Variants in TAOK2 observed in about 807,000 individuals in gnomAD.
TAOK2 encodes the protein serine/threonine-protein kinase TAO2.
Under a neutral mutation model 122.5 loss-of-function variants are expected in TAOK2, and 42 were observed. The ratio of observed to expected loss-of-function variants is 0.34; its 90% CI spans 0.27 to 0.44. TAOK2 has a LOEUF of 0.44. Among genes scored for constraint, TAOK2 ranks in the 20% least tolerant of loss-of-function variants. TAOK2 has a pLI of 1.00. For synonymous variants in TAOK2, 704 were observed against 677.6 expected, an observed-to-expected ratio of 1.04 and a Z score of -0.61; for missense variants, 1,264 against 1,644.9, an observed-to-expected ratio of 0.77 and a Z score of 4.01.
downstream of TAOK2, chr16:29,988,408 C>T (rs1477761851): frequency 4.6e-6 from 6 of 1,297,026 alleles, no homozygotes; most frequent in South Asian, 2.5e-5. Flanking sequence ...GCCTTTGGCC[C>T]AGGCTGCCTC....
At position 29,987,880 on chromosome 16, in the gene TAOK2, G is replaced by A. The variant is rs752545505; in HGVS notation, c.3608G>A (p.Arg1203His). Residue 1203 changes from arginine to histidine, a missense_variant, in exon 16 of 16, where the codon CGC becomes CAC. Around this residue, in one of 4 missense-constraint regions of TAOK2, gnomAD observed 824 missense variants for 908.7 expected, o/e 0.91. Transcript: ENST00000308893. Reference sequence around the variant, plus strand: ...CCCCGGCTACTACCACGCAGCCAGCGCCAGCTAGGGCCCCCTGCCTCCCGC... The same window carrying A: ...CCCCGGCTACTACCACGCAGCCAGCACCAGCTAGGGCCCCCTGCCTCCCGC... Reference protein sequence around the residue: ...RIPRLLPRSQRQLGPPASRQP... With the variant: ...RIPRLLPRSQHQLGPPASRQP... 7 of 1,600,408 alleles carry A rather than the reference G, an allele frequency of 4.4e-6. No individual in the cohort carries two copies. The highest frequency in any genetic ancestry group is 1.7e-4 in the Middle Eastern group (1 of 5,816).
In TAOK2 at chr16:29,988,281, G is replaced by T; in HGVS notation, c.*301G>T. The T allele has an allele frequency of 3.4e-6, 5 of 1,470,312 alleles. No homozygotes were observed. The highest frequency in any genetic ancestry group is 4.5e-6 in the Non-Finnish European group (5 of 1,111,222). The allele number at this position is 1,470,312 out of a possible 1,614,324, so 91.1% of individuals were successfully genotyped here. ...CCAGGGGTGGTGGAGGGTGGGAAGA[G>T]TCATGTTTTTTTTCTCCTCTTTGAT... is the stretch of plus-strand genomic sequence containing the variant. On this transcript the variant is annotated 3_prime_UTR_variant, in exon 16 of 16. Transcript: ENST00000308893.
rs865791050 is a variant in TAOK2, at chr16:29,978,322, G to A, written c.275G>A (p.Arg92Gln). The A allele has an allele frequency of 7.4e-6, 12 of 1,614,084 alleles. No individual in the cohort carries two copies. Among genetic ancestry groups the A allele is most frequent in the Middle Eastern group, 1.6e-4 (1 of 6,062 alleles). Residue 92 changes from arginine to glutamine, a missense_variant, in exon 4 of 16, where the codon CGG becomes CAG. Physicochemically the swap from Arg to Gln is conservative, Grantham distance 43 (BLOSUM62 1). Around this residue, in one of 4 missense-constraint regions of TAOK2, gnomAD observed 254 missense variants for 503.8 expected, o/e 0.50. Transcript: ENST00000308893. ...CGGCATCCCAACACCATTCAGTACC[G>A]GGGCTGTTACCTGAGGGAGCACACG... ...KLRHPNTIQYRGCYLREHTAW... is the reference protein window; with the variant it reads ...KLRHPNTIQYQGCYLREHTAW...
In TAOK2 at chr16:29,985,103, G is replaced by A. The variant is rs939838314; in HGVS notation, c.1423-110G>A. On this transcript the variant is annotated intron_variant, in intron 13 of 15. Coordinates refer to ENST00000308893, the MANE Select transcript of TAOK2 (RefSeq NM_016151.4). The surrounding 1 kb of genome is among the most constrained non-coding windows in gnomAD (Gnocchi z 6.9). ...CGTGTGTGAGGAAGGTGTTAAATGA[G>A]AATGAAACCCATGAGTTGAAAACCC... 7.4e-6 allele frequency: 10 copies of A among 1,354,622 alleles called. No individual in the cohort carries two copies. The Admixed American group carries it at 2.1e-4, about 29-fold the overall frequency. 83.9% of individuals were successfully genotyped at this position (1,354,622 alleles called of 1,614,324 possible). A position where few individuals can be genotyped will look rare whatever the true frequency, so the allele number is the denominator to read the frequency against.
chr16:29,982,077 C>G, intron 10 of TAOK2, 137 bp downstream of exon 10: 2 of 668,166 alleles, frequency 3.0e-6, no homozygotes, highest in Non-Finnish European at 5.2e-6. Context: ...TCCCCAATGC[C>G]TAGTGGACTC....
At chr16:29,982,990 A>C in intron 11 of TAOK2, 82 bp from the exon 12 acceptor site, 2 of 1,603,690 alleles carry the variant, frequency 1.2e-6, no homozygotes, top group Non-Finnish European at 1.7e-6. Context: ...CCCTACTCAC[A>C]CCACCATCTT....
At chr16:29,988,583 T>C, downstream of TAOK2, 1 of 985,352 alleles carries the variant, frequency 1.0e-6, no homozygotes, top group South Asian at 4.7e-5. Context: ...CACCACCGGC[T>C]CTGGGGTCTG....
In TAOK2 at chr16:29,985,600, G is replaced by A. The variant is rs1452013496; in HGVS notation, c.1788+22G>A. On this transcript the variant is annotated intron_variant, in intron 14 of 15. Transcript: ENST00000308893. This position sits in a 1 kb window ranked among gnomAD's most constrained non-coding sequence, Gnocchi z 6.9. ...GGAGGTGAGCTAGGGCTGCTTGGGGGCGGAGCCGATGGCGAGCCAGGTGGG... is the reference window on the plus strand; with the variant it reads ...GGAGGTGAGCTAGGGCTGCTTGGGGACGGAGCCGATGGCGAGCCAGGTGGG... 3 of 1,602,654 alleles carry A rather than the reference G, an allele frequency of 1.9e-6. No individual in the cohort carries two copies. The highest frequency in any genetic ancestry group is 1.3e-5 in the African/African-American group (1 of 74,732).
downstream of TAOK2, chr16:29,989,463 T>C: frequency 1.3e-6 from 2 of 1,499,572 alleles, no homozygotes; most frequent in Non-Finnish European, 1.8e-6. Context: ...TCCCTGTCTC[T>C]GCTTCTGTCT....
chr16:29,991,260 C>T (rs1377444709), downstream of TAOK2: 6 of 1,612,068 alleles, frequency 3.7e-6, no homozygotes, highest in African/African-American at 1.3e-5. This position sits in a 1 kb window ranked among gnomAD's most constrained non-coding sequence, Gnocchi z 5.6. Context: ...TCCCGTTCCC[C>T]GTTCTGGGGC....
Position 29,985,880 on chromosome 16 carries a change from G to A in TAOK2, c.1992+19G>A, listed in dbSNP as rs1244239179. The A allele has an allele frequency of 1.9e-6, 3 of 1,608,342 alleles. No individual in the cohort carries two copies. The highest frequency in any genetic ancestry group is 2.5e-6 in the Non-Finnish European group (3 of 1,178,002). On this transcript the variant is annotated intron_variant, in intron 15 of 15. Coordinates refer to ENST00000308893, the MANE Select transcript of TAOK2 (RefSeq NM_016151.4). The surrounding 1 kb of genome is among the most constrained non-coding windows in gnomAD (Gnocchi z 6.9). ...GCGGGAGGTAGGCATCCCAATCTCT[G>A]TTCCCCTCCCGCTCACTCGTGGATC... is the stretch of plus-strand genomic sequence containing the variant.
rs1311183001 is a variant in TAOK2, at chr16:29,986,182, C to G, written c.1993-83C>G. ...GGGCCCTGTGTTTCTTCCGCCATCCCCAGCTCCCTCTGCCAAGGAGCCCTG... is the reference window on the plus strand; with the variant it reads ...GGGCCCTGTGTTTCTTCCGCCATCCGCAGCTCCCTCTGCCAAGGAGCCCTG... On this transcript the variant is annotated intron_variant, in intron 15 of 15. Coordinates refer to ENST00000308893, the MANE Select transcript of TAOK2 (RefSeq NM_016151.4). The surrounding 1 kb of genome is among the most constrained non-coding windows in gnomAD (Gnocchi z 4.2). The G allele has an allele frequency of 1.3e-6, 2 of 1,496,034 alleles. No homozygotes were observed. Among genetic ancestry groups the G allele is most frequent in the Non-Finnish European group, 1.8e-6 (2 of 1,122,542 alleles). The allele number at this position is 1,496,034 out of a possible 1,614,324, so 92.7% of individuals were successfully genotyped here.
intron 1 of TAOK2, among the ~76,000 whole-genome samples, chr16:29,976,225 T>G (rs1484379094): frequency 6.6e-6 from 1 of 152,068 alleles, no homozygotes; most frequent in African/African-American, 2.4e-5. Context: ...TGTGTGGGTG[T>G]GTGGTGCTGG....
At chr16:29,975,023 C>T (rs2069410560) in intron 1 of TAOK2, among the ~76,000 whole-genome samples, 1 of 152,134 alleles carries the variant, frequency 6.6e-6, no homozygotes, top group Non-Finnish European at 1.5e-5. Context: ...ATTCCCATGC[C>T]TCTGATTCCC....
rs2069556000 is a variant in TAOK2 at position 29,979,550 on chromosome 16, T to C, written c.655+42T>C. 7.0e-7 allele frequency: 1 copy of C among 1,436,494 alleles called. No individual in the cohort carries two copies. Among genetic ancestry groups the C allele is most frequent in the African/African-American group, 1.4e-5 (1 of 69,794 alleles). 89.0% of individuals were successfully genotyped at this position (1,436,494 alleles called of 1,614,324 possible). ...TGTTCCCTCATCATCTTTTCCATTC[T>C]TTCCTGTTAGTTCCCAGACTCCGGA... On this transcript the variant is annotated intron_variant, in intron 8 of 15. Transcript: ENST00000308893. This position sits in a 1 kb window ranked among gnomAD's most constrained non-coding sequence, Gnocchi z 4.1.
rs150689389 is a variant in TAOK2 at position 29,986,710 on chromosome 16, A to G, written c.2438A>G (p.Gln813Arg). 233 of 1,614,058 alleles carry G rather than the reference A, an allele frequency of 1.4e-4. No homozygotes were observed. In the African/African-American group the frequency reaches 2.9e-3, roughly 20 times the overall value. Residue 813 changes from glutamine to arginine, a missense_variant, in exon 16 of 16, where the codon CAG becomes CGG. Physicochemically the swap from Gln to Arg is conservative, Grantham distance 43. This residue lies in a region of TAOK2 where 824 missense variants were observed against 908.7 expected (regional missense o/e 0.91). Coordinates refer to ENST00000308893, the MANE Select transcript of TAOK2 (RefSeq NM_016151.4). This position sits in a 1 kb window ranked among gnomAD's most constrained non-coding sequence, Gnocchi z 4.2. Reference sequence around the variant, plus strand: ...GAAGGGGCCACTTTGGAGCCCAAGCAGCAGAGGATTCTGGGGGAAGAATCA... The same window carrying G: ...GAAGGGGCCACTTTGGAGCCCAAGCGGCAGAGGATTCTGGGGGAAGAATCA... Reference protein sequence around the residue: ...GKEGATLEPKQQRILGEESGA... With the variant: ...GKEGATLEPKRQRILGEESGA...
chr16:29,987,495 C>T lies in TAOK2; in HGVS notation c.3223C>T (p.Pro1075Ser). 1 of 1,598,374 alleles carries T rather than the reference C, an allele frequency of 6.3e-7. No homozygotes were observed. ...AGGRWVRQQG[P>S]RVRRGISRLW... ...GGGCAGATGGGTGCGGCAGCAGGGC[C>T]CCCGGGTGCGCCGGGGCATATCTCG... Residue 1075 changes from proline to serine, a missense_variant, in exon 16 of 16, where the codon CCC becomes TCC. By Grantham distance (74) the Pro-to-Ser change is moderately conservative (BLOSUM62 -1). This residue lies in a region of TAOK2 where 824 missense variants were observed against 908.7 expected (regional missense o/e 0.91). Transcript: ENST00000308893.
chr16:29,985,743 C>T lies in TAOK2; in HGVS notation c.1874C>T (p.Ala625Val), dbSNP rs61737877. ...AAGGAGCAGCTCCAGCAGTGCCAGGCGGAGGAGGAAGCAGGGCTGCTGCGG... is the reference window on the plus strand; with the variant it reads ...AAGGAGCAGCTCCAGCAGTGCCAGGTGGAGGAGGAAGCAGGGCTGCTGCGG... ...RQKEQLQQCQ[A>V]EEEAGLLRRQ... Residue 625 changes from alanine (A) to valine (V), a missense_variant, in exon 15 of 16, where the codon GCG becomes GTG. Around this residue, in one of 4 missense-constraint regions of TAOK2, gnomAD observed 824 missense variants for 908.7 expected, o/e 0.91. Transcript: ENST00000308893. This position sits in a 1 kb window ranked among gnomAD's most constrained non-coding sequence, Gnocchi z 6.9. 1.0e-4 allele frequency: 165 copies of T among 1,610,538 alleles called. No individual in the cohort carries two copies. In the African/African-American group the frequency reaches 2.0e-3, roughly 19 times the overall value.
chr16:29,988,316 C>T lies in TAOK2; in HGVS notation c.*336C>T. The stretch of plus-strand genomic sequence containing the variant: ...TTTTCTCCTCTTTGATTTTGTTTTT[C>T]TGTCTCCCTTCCAACCTGTCCCCTT... On this transcript the variant is annotated 3_prime_UTR_variant, in exon 16 of 16. Transcript: ENST00000308893. 7.1e-7 allele frequency: 1 copy of T among 1,418,088 alleles called. No individual in the cohort carries two copies. 87.8% of individuals were successfully genotyped at this position (1,418,088 alleles called of 1,614,324 possible).
Sources: allele counts gnomAD v4.1 joint callset (sites outside exome capture counted in the v4.1 genomes callset), GRCh38; gene constraint gnomAD v4.1.1; regional missense constraint gnomAD v4.1.1; non-coding constraint Gnocchi (gnomAD v3.1); transcripts MANE v1.5; gene names NCBI Gene and HGNC (gene_info 2026-07-23, HGNC 2026-07-21).